The following ZNF486 variants were observed in gnomAD, a reference collection of about 807,000 sequenced individuals.
The protein encoded by ZNF486 is KRAB box only protein 2.
Under a neutral mutation model 12.8 loss-of-function variants are expected in ZNF486, and 12 were observed. The observed-to-expected ratio is 0.94, with a 90% CI of 0.60 to 1.52. The LOEUF (loss-of-function observed/expected upper bound fraction) is 1.52. Among genes scored for constraint, ZNF486 ranks in the 40% most tolerant of loss-of-function variants. The pLI is 0.00. For missense variants in ZNF486, 738 were observed against 545.0 expected (o/e 1.35, Z -3.53); for synonymous variants, 231 against 184.9 (o/e 1.25, Z -2.02).
chr19:20,172,708 C>T (rs937565449), intron 1 of ZNF486, among the ~76,000 whole-genome samples: 11 of 146,732 alleles, frequency 7.5e-5, no homozygotes, highest in South Asian at 2.4e-4. Flanking sequence ...GGCACTATCT[C>T]GGCTCACTGC....
chr19:20,191,944 G>A (rs952284707), intron 3 of ZNF486, among the ~76,000 whole-genome samples: 1 of 151,920 alleles, frequency 6.6e-6, no homozygotes, highest in Non-Finnish European at 1.5e-5. Context: ...TGCTATGTAT[G>A]CCTTGCTTCA....
At position 20,200,434 on chromosome 19, in the gene ZNF486, C is replaced by A. The variant is rs528033644; in HGVS notation, c.*2332C>A. 6.6e-6 allele frequency: 1 copy of A among 151,954 alleles called. No individual in the cohort carries two copies. Among genetic ancestry groups the A allele is most frequent in the Non-Finnish European group, 1.5e-5 (1 of 67,990 alleles). The allele number at this position is 151,954 out of a possible 1,614,324, so 9.4% of individuals were successfully genotyped here. A position where few individuals can be genotyped will look rare whatever the true frequency, so the allele number is the denominator to read the frequency against. The stretch of plus-strand genomic sequence containing the variant: ...TGATAAAAGTATATTAAACTAAATT[C>A]GTATATTTTACTTATTGTACTTTTA... On this transcript the variant is annotated 3_prime_UTR_variant, in exon 4 of 4. Transcript: ENST00000335117.
chr19:20,175,774 C>T (rs2089701895), intron 1 of ZNF486, among the ~76,000 whole-genome samples: 1 of 152,250 alleles, frequency 6.6e-6, no homozygotes, highest in Non-Finnish European at 1.5e-5. Flanking sequence ...TCAGTCTTTT[C>T]CGCACCTTTC....
At chr19:20,195,770 C>A (rs1442928044) in intron 3 of ZNF486, among the ~76,000 whole-genome samples, 2 of 152,160 alleles carry the variant, frequency 1.3e-5, no homozygotes, top group East Asian at 3.9e-4. Context: ...TTATTCATAT[C>A]TCTTCTTAAT....
chr19:20,177,666 C>T (rs1555715005), intron 1 of ZNF486, among the ~76,000 whole-genome samples: 1 of 152,166 alleles, frequency 6.6e-6, no homozygotes, highest in East Asian at 1.9e-4. Flanking sequence ...ACCCCGCCTC[C>T]CAGGTTCAAG....
chr19:20,190,439 C>G (rs1268736196), intron 3 of ZNF486, among the ~76,000 whole-genome samples: 4 of 152,208 alleles, frequency 2.6e-5, no homozygotes, highest in Admixed American at 2.6e-4. Context: ...GGCTGGAGTG[C>G]TGTGGCATAA....
chr19:20,174,975 AT>A (rs1400556864), intron 1 of ZNF486: 9 of 152,244 alleles, frequency 5.9e-5, no homozygotes, highest in African/African-American at 2.2e-4. Context: ...GTTCTAATAT[AT>A]TCCACTATAT....
At chr19:20,191,238 G>A (rs563184399) in intron 3 of ZNF486, among the ~76,000 whole-genome samples, 10 of 151,514 alleles carry the variant, frequency 6.6e-5, no homozygotes, top group Admixed American at 6.6e-5. Flanking sequence ...TTGGGAGGCC[G>A]AGGCGGGTGG....
intron 1 of ZNF486, among the ~76,000 whole-genome samples, chr19:20,168,948 C>T (rs945896057): frequency 6.6e-6 from 1 of 151,358 alleles, no homozygotes; most frequent in Non-Finnish European, 1.5e-5. Context: ...TCAAGCAGTT[C>T]TCCTGCCTCA....
intron 1 of ZNF486, among the ~76,000 whole-genome samples, chr19:20,168,345 C>A (rs1385102928): frequency 6.7e-6 from 1 of 148,718 alleles, no homozygotes; most frequent in Non-Finnish European, 1.5e-5. Context: ...CGTGACAGAG[C>A]AAGACTCCTT....
intron 3 of ZNF486, among the ~76,000 whole-genome samples, chr19:20,192,469 C>A (rs1469397093): frequency 6.6e-6 from 1 of 152,136 alleles, no homozygotes; most frequent in Non-Finnish European, 1.5e-5. Flanking sequence ...CCATGCCCAG[C>A]TAATTTTTTT....
intron 1 of ZNF486, among the ~76,000 whole-genome samples, chr19:20,167,677 G>C (rs1555713219): frequency 1.3e-5 from 2 of 152,176 alleles, no homozygotes; most frequent in Non-Finnish European, 2.9e-5. Flanking sequence ...GGAGAATCTT[G>C]ACTCGGGGTG....
chr19:20,177,997 C>T (rs1354580765), intron 1 of ZNF486, among the ~76,000 whole-genome samples: 5 of 150,060 alleles, frequency 3.3e-5, no homozygotes, highest in Non-Finnish European at 7.4e-5. Flanking sequence ...AAACTTGGCT[C>T]GCTGCAACCT....
intron 3 of ZNF486, among the ~76,000 whole-genome samples, chr19:20,194,333 A>G (rs1226966705): frequency 6.6e-6 from 1 of 152,176 alleles, no homozygotes; most frequent in Non-Finnish European, 1.5e-5. Context: ...TGGTAGTACA[A>G]TTTTGCTGAT....
At position 20,198,193 on chromosome 19, in the gene ZNF486, C is replaced by T. The variant is rs181479393; in HGVS notation, c.*91C>T. The T allele has an allele frequency of 9.1e-7, 1 of 1,099,312 alleles. No individual in the cohort carries two copies. The highest frequency in any genetic ancestry group is 1.3e-6 in the Non-Finnish European group (1 of 776,568). 68.1% of individuals were successfully genotyped at this position (1,099,312 alleles called of 1,614,324 possible). ...GTGCAATGGCATAATTTTGGCTCACCACAACCTCCACCTTCTGGGTTCAAG... is the reference window on the plus strand; with the variant it reads ...GTGCAATGGCATAATTTTGGCTCACTACAACCTCCACCTTCTGGGTTCAAG... On this transcript the variant is annotated 3_prime_UTR_variant, in exon 4 of 4. Coordinates refer to ENST00000335117, the MANE Select transcript of ZNF486 (RefSeq NM_052852.4).
intron 1 of ZNF486, among the ~76,000 whole-genome samples, chr19:20,167,961 A>C (rs1215100711): frequency 1.3e-5 from 2 of 152,070 alleles, no homozygotes; most frequent in Non-Finnish European, 2.9e-5. Flanking sequence ...CGTTTATCCT[A>C]TTTGGAAAAA....
In ZNF486 at chr19:20,172,299, A is replaced by G. The variant is rs556365749; in HGVS notation, c.30+4939A>G. Among the ~76,000 whole-genome samples, 508 of 140,990 alleles carry G rather than the reference A, an allele frequency of 3.6e-3. 4 individuals carry two copies. Among genetic ancestry groups the G allele is most frequent in the Non-Finnish European group, 6.3e-3 (420 of 67,168 alleles). The allele number at this position is 140,990 out of a possible 152,430, so 92.5% of individuals were successfully genotyped here. On this transcript the variant is annotated intron_variant, in intron 1 of 3. Transcript: ENST00000335117. ...ATTACAGGTGTGAGCCACTGCACCT[A>G]GCTTTTGCCTACTTTTTTTTTTTGA...
In ZNF486 at chr19:20,197,910, T is replaced by C. The variant is rs1555718347; in HGVS notation, c.1200T>C (p.His400=). Residue 400 remains histidine (H), a synonymous_variant, in exon 4 of 4, where the codon CAT becomes CAC. Transcript: ENST00000335117. ...SAGLHKHRRT[H]TGEKPYKCEE... is the part of the protein sequence containing the mutation. ...GCCTCCATAAACATAGGAGAACTCA[T>C]ACTGGAGAGAAACCCTACAAATGTG... The C allele has an allele frequency of 2.0e-5, 32 of 1,613,320 alleles. No homozygotes were observed. Among genetic ancestry groups the C allele is most frequent in the Non-Finnish European group, 2.5e-5 (30 of 1,179,800 alleles).
rs190027737 is a variant in ZNF486, at chr19:20,193,719, C to G, written c.254-3245C>G. 2.6e-5 allele frequency among the ~76,000 whole-genome samples: 4 copies of G among 151,900 alleles called. No individual in the cohort carries two copies. In the East Asian group the frequency reaches 7.7e-4, roughly 29 times the overall value. Reference sequence around the variant, plus strand: ...AAGATGATTATATATATATTTAAATCGTTTTCTGCAATAGAAAAACTTACT... The same window carrying G: ...AAGATGATTATATATATATTTAAATGGTTTTCTGCAATAGAAAAACTTACT... On this transcript the variant is annotated intron_variant, in intron 3 of 3. Coordinates refer to ENST00000335117, the MANE Select transcript of ZNF486 (RefSeq NM_052852.4).
Sources: gnomAD v4.1 joint callset for allele counts (sites outside exome capture counted in the v4.1 genomes callset) on GRCh38, gnomAD v4.1.1 for gene constraint, MANE v1.5 for transcripts, NCBI Gene and HGNC (gene_info 2026-07-23, HGNC 2026-07-21) for gene names.